The following RRP9 variants were observed in gnomAD, a reference collection of about 807,000 sequenced individuals.
The protein encoded by RRP9 is U3 small nucleolar RNA-interacting protein 2.
Under a neutral mutation model 65.5 loss-of-function variants are expected in RRP9, and 35 were observed. The observed-to-expected ratio is 0.53, with a 90% confidence interval of 0.41 to 0.71. The LOEUF (loss-of-function observed/expected upper bound fraction) is 0.71. RRP9 is among the 30% of genes least tolerant of loss of function. RRP9 has a pLI of 0.00. For synonymous variants in RRP9, 254 were observed against 245.0 expected, an observed-to-expected ratio of 1.04 and a Z score of -0.34; for missense variants, 533 against 633.6, an observed-to-expected ratio of 0.84 and a Z score of 1.70.
rs1699442052 is a variant in RRP9 at position 51,935,222 on chromosome 3, GCTC to G, written c.1006_1008del (p.Glu336del). The G allele has an allele frequency of 6.2e-7, 1 of 1,614,188 alleles. No homozygotes were observed. Among genetic ancestry groups the G allele is most frequent in the Admixed American group, 1.7e-5 (1 of 60,034 alleles). On this transcript the variant is annotated inframe_deletion, in exon 11 of 15. Transcript: ENST00000232888. ...CCATCGTCCGCGCCGGACACCATGT[GCTC>G]CTCATTGATTAGGTGGATGCAGTCG... is the stretch of plus-strand genomic sequence containing the variant.
rs1213455687 is a variant in RRP9 at position 51,941,455 on chromosome 3, C to T, written c.124G>A (p.Gly42Ser). The T allele has an allele frequency of 1.2e-6, 2 of 1,614,188 alleles. No homozygotes were observed. The highest frequency in any genetic ancestry group is 2.2e-5 in the East Asian group (1 of 44,886). ...GAGATCTCCTCATTCATCTTGCCGC[C>T]ACCCTTGGATTTGCCCCTGTCCCCC... ...SAGDRGKSKG[G>S]GKMNEEISSD... Residue 42 changes from glycine to serine, a missense_variant, in exon 2 of 15, where the codon GGC becomes AGC. Around this residue, in one of 3 missense-constraint regions of RRP9, gnomAD observed 77 missense variants for 60.5 expected, o/e 1.27. Coordinates refer to ENST00000232888, the MANE Select transcript of RRP9 (RefSeq NM_004704.5).
chr3:51,937,586 G>C lies in RRP9; in HGVS notation c.349C>G (p.Leu117Val). The C allele has an allele frequency of 5.0e-6, 8 of 1,614,200 alleles. No individual in the cohort carries two copies. Among genetic ancestry groups the C allele is most frequent in the Non-Finnish European group, 6.8e-6 (8 of 1,180,040 alleles). The change falls in exon 5 of 15, where the codon CTT becomes GTT. Residue 117 changes from leucine (L) to valine (V), a missense_variant and splice_region_variant. By Grantham distance (32) the Leu-to-Val change is conservative. Transcript: ENST00000232888. The surrounding 1 kb of genome is among the most constrained non-coding windows in gnomAD (Gnocchi z 5.0). ...TTCTGCAGCCTGCCCCTCTGCTCAA[G>C]CTGCATGGAGAAGAGATGGATGAGA... is the stretch of plus-strand genomic sequence containing the variant. ...QVAGRLKEDV[L>V]EQRGRLQKLV...
intron 2 of RRP9, among the ~76,000 whole-genome samples, chr3:51,940,138 C>G (rs912659385): frequency 6.6e-6 from 1 of 152,130 alleles, no homozygotes; most frequent in Non-Finnish European, 1.5e-5. Flanking sequence ...GGCCTATAAT[C>G]CCAGCTACTC....
At chr3:51,940,234 C>A (rs1444166745) in intron 2 of RRP9, among the ~76,000 whole-genome samples, 1 of 151,602 alleles carries the variant, frequency 6.6e-6, no homozygotes, top group Non-Finnish European at 1.5e-5. Context: ...CCAGCCTGGG[C>A]AACAGAGTGA....
At position 51,934,870 on chromosome 3, in the gene RRP9, C is replaced by T; in HGVS notation, c.1035-94G>A. On this transcript the variant is annotated intron_variant, in intron 11 of 14. Coordinates refer to ENST00000232888, the MANE Select transcript of RRP9 (RefSeq NM_004704.5). This position sits in a 1 kb window ranked among gnomAD's most constrained non-coding sequence, Gnocchi z 4.1. ...GGATTAATGCTTGAGGGGATGGATA[C>T]CCCATTTCCCATGATGTGATTATTA... is the stretch of plus-strand genomic sequence containing the variant. 1.8e-5 allele frequency: 24 copies of T among 1,328,686 alleles called. No individual in the cohort carries two copies. The highest frequency in any genetic ancestry group is 2.3e-5 in the Non-Finnish European group (22 of 962,846). 82.3% of individuals were successfully genotyped at this position (1,328,686 alleles called of 1,614,324 possible).
rs73838923 is a variant in RRP9, at chr3:51,935,512, G to T, written c.837-36C>A. ...GGGCAGAGCAGGATAGTGGGGATAG[G>T]GGTACTGCATGAACTCACGGGCACA... is the stretch of plus-strand genomic sequence containing the variant. On this transcript the variant is annotated intron_variant, in intron 9 of 14. Coordinates refer to ENST00000232888, the MANE Select transcript of RRP9 (RefSeq NM_004704.5). 4,250 of 1,613,934 alleles carry T rather than the reference G, an allele frequency of 2.6e-3. 107 individuals carry two copies. The African/African-American group carries it at 0.051, about 19-fold the overall frequency.
intron 13 of RRP9, 132 bp from the exon 14 acceptor site, chr3:51,933,913 C>T: frequency 1.2e-6 from 1 of 805,840 alleles, no homozygotes; most frequent in South Asian, 1.5e-5. Flanking sequence ...CCTGGTGACA[C>T]AGGCCAGCCC....
At position 51,941,496 on chromosome 3, in the gene RRP9, GA is replaced by G; in HGVS notation, c.88-6del. 1 of 1,613,660 alleles carries G rather than the reference GA, an allele frequency of 6.2e-7. No individual in the cohort carries two copies. Among genetic ancestry groups the G allele is most frequent in the Non-Finnish European group, 8.5e-7 (1 of 1,179,754 alleles). On this transcript the variant is annotated splice_polypyrimidine_tract_variant and splice_region_variant and intron_variant, in intron 1 of 14. Transcript: ENST00000232888. Reference sequence around the variant, plus strand: ...CCTGTCCCCCGCAGAGTCGGCCTGGGAATTATACGGTCTTTTCTTTGGTCAG... The same window carrying G: ...CCTGTCCCCCGCAGAGTCGGCCTGGGATTATACGGTCTTTTCTTTGGTCAG...
Position 51,937,115 on chromosome 3 carries a change from A to C in RRP9, c.517+77T>G, listed in dbSNP as rs969262018. The C allele has an allele frequency of 1.3e-6, 2 of 1,566,878 alleles. No individual in the cohort carries two copies. Among genetic ancestry groups the C allele is most frequent in the Admixed American group, 1.7e-5 (1 of 58,616 alleles). On this transcript the variant is annotated intron_variant, in intron 6 of 14. Transcript: ENST00000232888. This position sits in a 1 kb window ranked among gnomAD's most constrained non-coding sequence, Gnocchi z 5.0. Reference sequence around the variant, plus strand: ...TCCCCACTTCAGGGCTCAGCCTGCCATGACCACTCCCACTCCCCTGACCAG... The same window carrying C: ...TCCCCACTTCAGGGCTCAGCCTGCCCTGACCACTCCCACTCCCCTGACCAG...
In RRP9 at chr3:51,935,480, G is replaced by A. The variant is rs1192892959; in HGVS notation, c.837-4C>T. ...CACAGCGTCCTGGTGTCCGAAGCTAGAGGGCCGGGCAGAGCAGGATAGTGG... is the reference window on the plus strand; with the variant it reads ...CACAGCGTCCTGGTGTCCGAAGCTAAAGGGCCGGGCAGAGCAGGATAGTGG... On this transcript the variant is annotated splice_polypyrimidine_tract_variant and splice_region_variant and intron_variant, in intron 9 of 14. Coordinates refer to ENST00000232888, the MANE Select transcript of RRP9 (RefSeq NM_004704.5). 1 of 1,614,114 alleles carries A rather than the reference G, an allele frequency of 6.2e-7. No homozygotes were observed. Among genetic ancestry groups the A allele is most frequent in the South Asian group, 1.1e-5 (1 of 91,088 alleles).
rs1376438523 is a variant in RRP9, at chr3:51,937,439, C to A, written c.390+106G>T. On this transcript the variant is annotated intron_variant, in intron 5 of 14. Coordinates refer to ENST00000232888, the MANE Select transcript of RRP9 (RefSeq NM_004704.5). This position sits in a 1 kb window ranked among gnomAD's most constrained non-coding sequence, Gnocchi z 5.0. ...AGAAGGAAAACAAGACCCAAGGCTA[C>A]AACAACCAGATCCTTACCTGACCAG... 1.9e-6 allele frequency: 3 copies of A among 1,605,536 alleles called. No individual in the cohort carries two copies. In the East Asian group the frequency reaches 6.7e-5, roughly 36 times the overall value.
intron 2 of RRP9, 106 bp downstream of exon 2, chr3:51,941,303 G>T: frequency 1.0e-6 from 1 of 984,770 alleles, no homozygotes; most frequent in Non-Finnish European, 1.6e-6. Context: ...CAGAGCCAAG[G>T]GACAGAGTCT....
Position 51,934,672 on chromosome 3 carries a change from G to A in RRP9, c.1139C>T (p.Ser380Leu), listed in dbSNP as rs773747952. The change falls in exon 12 of 15, where the codon TCG (serine) becomes TTG (leucine). Residue 380 changes from serine to leucine, a missense_variant. Transcript: ENST00000232888. The surrounding 1 kb of genome is among the most constrained non-coding windows in gnomAD (Gnocchi z 4.1). ...EPGLEQPFWI[S>L]SVAALLNTDL... ...TGTGTTGAGGAGGGCTGCCACCGACGATATCCAGAAGGGCTGCTCCAGGCC... is the reference window on the plus strand; with the variant it reads ...TGTGTTGAGGAGGGCTGCCACCGACAATATCCAGAAGGGCTGCTCCAGGCC... 9.3e-6 allele frequency: 15 copies of A among 1,614,148 alleles called. No individual in the cohort carries two copies. Among genetic ancestry groups the A allele is most frequent in the Non-Finnish European group, 1.1e-5 (13 of 1,180,036 alleles).
intron 2 of RRP9, among the ~76,000 whole-genome samples, chr3:51,939,530 G>C (rs1209044535): frequency 6.6e-6 from 1 of 152,242 alleles, no homozygotes; most frequent in Non-Finnish European, 1.5e-5. Context: ...GACTACGAAG[G>C]AGCAGGAGGA....
At position 51,937,124 on chromosome 3, in the gene RRP9, C is replaced by T. The variant is rs566201823; in HGVS notation, c.517+68G>A. 7 of 1,588,846 alleles carry T rather than the reference C, an allele frequency of 4.4e-6. No individual in the cohort carries two copies. The East Asian group carries it at 1.6e-4, about 36-fold the overall frequency. On this transcript the variant is annotated intron_variant, in intron 6 of 14. Coordinates refer to ENST00000232888, the MANE Select transcript of RRP9 (RefSeq NM_004704.5). This position sits in a 1 kb window ranked among gnomAD's most constrained non-coding sequence, Gnocchi z 5.0. The stretch of plus-strand genomic sequence containing the variant: ...CAGGGCTCAGCCTGCCATGACCACT[C>T]CCACTCCCCTGACCAGCCCTCCCGG...
In RRP9 at chr3:51,933,494, A is replaced by C; in HGVS notation, c.*12T>G. ...TAGCCTGGGAAGGACTTAAATAAGGAGGATAAGAGTGTCAGGAACCAGCAG... is the reference window on the plus strand; with the variant it reads ...TAGCCTGGGAAGGACTTAAATAAGGCGGATAAGAGTGTCAGGAACCAGCAG... On this transcript the variant is annotated 3_prime_UTR_variant, in exon 15 of 15. Transcript: ENST00000232888. 6.2e-7 allele frequency: 1 copy of C among 1,606,554 alleles called. No homozygotes were observed. Among genetic ancestry groups the C allele is most frequent in the Non-Finnish European group, 8.5e-7 (1 of 1,173,522 alleles).
chr3:51,935,523 G>C lies in RRP9; in HGVS notation c.837-47C>G, dbSNP rs1019426248. 1.9e-6 allele frequency: 3 copies of C among 1,613,728 alleles called. No homozygotes were observed. In the African/African-American group the frequency reaches 4.0e-5, roughly 22 times the overall value. ...GATAGTGGGGATAGGGGTACTGCAT[G>C]AACTCACGGGCACACACTCCCACAC... On this transcript the variant is annotated intron_variant, in intron 9 of 14. Coordinates refer to ENST00000232888, the MANE Select transcript of RRP9 (RefSeq NM_004704.5).
Position 51,935,223 on chromosome 3 carries a change from C to A in RRP9, c.1008G>T (p.Glu336Asp). The change falls in exon 11 of 15, where the codon GAG becomes GAT. Residue 336 changes from glutamate to aspartate, a missense_variant. This residue lies in a region of RRP9 where 449 missense variants were observed against 550.6 expected (regional missense o/e 0.82). Transcript: ENST00000232888. ...CATCGTCCGCGCCGGACACCATGTG[C>A]TCCTCATTGATTAGGTGGATGCAGT... ...SIDCIHLINE[E>D]HMVSGADDGS... 6.2e-7 allele frequency: 1 copy of A among 1,614,186 alleles called. No individual in the cohort carries two copies. Among genetic ancestry groups the A allele is most frequent in the Non-Finnish European group, 8.5e-7 (1 of 1,180,020 alleles).
intron 2 of RRP9, among the ~76,000 whole-genome samples, chr3:51,940,573 C>T (rs1303988966): frequency 6.6e-6 from 1 of 152,138 alleles, no homozygotes; most frequent in Admixed American, 6.5e-5. Context: ...GACTGGAGAG[C>T]AGTGCATGAT....
Sources: gnomAD v4.1 joint callset for allele counts (sites outside exome capture counted in the v4.1 genomes callset) on GRCh38, gnomAD v4.1.1 for gene constraint, gnomAD v4.1.1 regional missense constraint, Gnocchi (gnomAD v3.1) non-coding constraint, MANE v1.5 for transcripts, NCBI Gene and HGNC (gene_info 2026-07-23, HGNC 2026-07-21) for gene names.